Variants in KLF15 observed in about 807,000 individuals in gnomAD.
KLF15 encodes Krueppel-like factor 15.
In KLF15, 4 loss-of-function variants were observed where a neutral mutation model predicts 24.6. The observed-to-expected ratio is 0.16, with a 90% confidence interval of 0.08 to 0.37. The LOEUF is 0.37. Among genes scored for constraint, KLF15 ranks in the 10% least tolerant of loss-of-function variants. KLF15 has a pLI of 1.00. For missense variants in KLF15, 496 were observed against 560.6 expected (o/e 0.88, Z 1.16); for synonymous variants, 246 against 236.3 (o/e 1.04, Z -0.37).
chr3:126,329,724 A>T, the KLF15 span, among the ~76,000 whole-genome samples: 1 of 151,286 alleles, frequency 6.6e-6, no homozygotes, highest in South Asian at 2.1e-4. Flanking sequence ...TATGACAGAA[A>T]TTGGGATCTT....
At chr3:126,306,303 G>T in the KLF15 span, among the ~76,000 whole-genome samples, 1 of 152,168 alleles carries the variant, frequency 6.6e-6, no homozygotes, top group South Asian at 2.1e-4. Flanking sequence ...TTGACAACTG[G>T]GGAAAAGAAA....
At chr3:126,308,240 T>C in the KLF15 span, among the ~76,000 whole-genome samples, 1 of 151,964 alleles carries the variant, frequency 6.6e-6, no homozygotes, top group East Asian at 1.9e-4. Context: ...ACCGGTTGAG[T>C]CCAGCACAAC....
chr3:126,335,639 T>C, the KLF15 span, among the ~76,000 whole-genome samples: 1 of 144,728 alleles, frequency 6.9e-6, no homozygotes, highest in African/African-American at 2.6e-5. Context: ...AAATTGTCCC[T>C]GTTTGCAGAT....
intron 1 of KLF15, among the ~76,000 whole-genome samples, chr3:126,355,108 A>G (rs1283773412): frequency 6.6e-6 from 1 of 152,018 alleles, no homozygotes; most frequent in African/African-American, 2.4e-5. Flanking sequence ...TGGGACCCAG[A>G]GCAGGCCTTA....
the KLF15 span, among the ~76,000 whole-genome samples, chr3:126,308,282 C>G: frequency 1.3e-5 from 2 of 152,210 alleles, no homozygotes; most frequent in Admixed American, 1.3e-4. Flanking sequence ...CCCCAAGGAG[C>G]TGGAAAGCTG....
At chr3:126,324,685 G>A in the KLF15 span, among the ~76,000 whole-genome samples, 1 of 136,512 alleles carries the variant, frequency 7.3e-6, no homozygotes, top group Non-Finnish European at 1.5e-5. Flanking sequence ...CATAGGAGAT[G>A]TTGTGTCCTT....
the KLF15 span, among the ~76,000 whole-genome samples, chr3:126,321,262 G>T: frequency 1.3e-5 from 2 of 152,122 alleles, no homozygotes; most frequent in Admixed American, 6.5e-5. Context: ...AGGAAGAATC[G>T]CCCCTGAACT....
chr3:126,344,370 C>A (rs2107551275), intron 2 of KLF15, among the ~76,000 whole-genome samples: 1 of 152,346 alleles, frequency 6.6e-6, no homozygotes, highest in Non-Finnish European at 1.5e-5. Flanking sequence ...GCCCCTGCCA[C>A]CCCTCCAAGA....
intron 2 of KLF15, among the ~76,000 whole-genome samples, chr3:126,346,202 G>A (rs1489378747): frequency 6.6e-6 from 1 of 152,168 alleles, no homozygotes; most frequent in Non-Finnish European, 1.5e-5. Flanking sequence ...AGCTGCAGCT[G>A]GGCACACAGC....
rs70940814 is a variant in KLF15, at chr3:126,352,882, G to A, written c.41C>T (p.Ser14Leu). ...CAGATACCCAACTGGGCATTTTGGC[G>A]ACGAGAAGTTCTCGTCCACTGGAAG... is the stretch of plus-strand genomic sequence containing the variant. ...HLLPVDENFS[S>L]PKCPVGYLGD... is the part of the protein sequence containing the mutation. Residue 14 changes from serine (S) to leucine (L), a missense_variant, in exon 2 of 3, where the codon TCG becomes TTG. This residue lies in a region of KLF15 where 399 missense variants were observed against 423.1 expected (regional missense o/e 0.94). Coordinates refer to ENST00000296233, the MANE Select transcript of KLF15 (RefSeq NM_014079.4). The A allele has an allele frequency of 1.7e-5, 28 of 1,611,694 alleles. No individual in the cohort carries two copies. Among genetic ancestry groups the A allele is most frequent in the East Asian group, 6.7e-5 (3 of 44,842 alleles).
chr3:126,353,506 A>T lies in KLF15; in HGVS notation c.-25-559T>A, dbSNP rs184136897. ...ACAGTTACATTCGAATTTCAGATTT[A>T]AAAAATAAACTATTTTTAATATAAG... On this transcript the variant is annotated intron_variant, in intron 1 of 2. Coordinates refer to ENST00000296233, the MANE Select transcript of KLF15 (RefSeq NM_014079.4). 3.9e-3 allele frequency among the ~76,000 whole-genome samples: 600 copies of T among 152,376 alleles called. 6 individuals carry two copies. The highest frequency in any genetic ancestry group is 7.5e-3 in the Admixed American group (114 of 15,300).
intron 2 of KLF15, among the ~76,000 whole-genome samples, chr3:126,348,798 G>A (rs903497395): frequency 1.3e-5 from 2 of 152,208 alleles, no homozygotes; most frequent in Non-Finnish European, 2.9e-5. Flanking sequence ...AGCACATTGT[G>A]TGGGTCTATG....
the KLF15 span, among the ~76,000 whole-genome samples, chr3:126,310,781 CA>C: frequency 1.3e-5 from 2 of 152,184 alleles, no homozygotes; most frequent in South Asian, 2.1e-4. Context: ...ATCACCTCTG[CA>C]AGACCCTGTC....
At chr3:126,301,691 G>A in the KLF15 span, among the ~76,000 whole-genome samples, 2 of 145,188 alleles carry the variant, frequency 1.4e-5, no homozygotes, top group African/African-American at 5.1e-5. Flanking sequence ...CTCAGTTCAC[G>A]GCAACCTCTG....
At chr3:126,340,866 C>T (rs1468391239), downstream of KLF15, among the ~76,000 whole-genome samples, 1 of 151,398 alleles carries the variant, frequency 6.6e-6, no homozygotes, top group Admixed American at 6.6e-5. Flanking sequence ...CAACCCCCAC[C>T]AGGGCCAAGG....
chr3:126,338,728 G>A (rs1173031990), downstream of KLF15, among the ~76,000 whole-genome samples: 1 of 152,222 alleles, frequency 6.6e-6, no homozygotes, highest in Non-Finnish European at 1.5e-5. Flanking sequence ...TATTTCTGCA[G>A]AAATGTATTT....
the KLF15 span, among the ~76,000 whole-genome samples, chr3:126,319,297 G>C: frequency 6.6e-6 from 1 of 152,182 alleles, no homozygotes; most frequent in African/African-American, 2.4e-5. Context: ...ATTCATTTGG[G>C]TAAATACCAA....
At chr3:126,330,802 C>T in the KLF15 span, among the ~76,000 whole-genome samples, 18 of 152,150 alleles carry the variant, frequency 1.2e-4, no homozygotes, top group Admixed American at 2.0e-4. Context: ...CATGATGTGA[C>T]GATGTTAGGA....
the KLF15 span, among the ~76,000 whole-genome samples, chr3:126,294,676 G>A: frequency 6.6e-6 from 1 of 152,036 alleles, no homozygotes; most frequent in Admixed American, 6.6e-5. Context: ...CCCCATCTCT[G>A]CTGCTGAGGT....
Sources: allele counts gnomAD v4.1 joint callset (sites outside exome capture counted in the v4.1 genomes callset), GRCh38; gene constraint gnomAD v4.1.1; regional missense constraint gnomAD v4.1.1; transcripts MANE v1.5; gene names NCBI Gene and HGNC (gene_info 2026-07-23, HGNC 2026-07-21).